TBC1D22A: variants seen among roughly 807,000 people sequenced by gnomAD.
TBC1D22A encodes putative GTPase activator.
In TBC1D22A, 38 loss-of-function variants were observed where a neutral mutation model predicts 60.2. That is an observed-to-expected ratio of 0.63 (90% CI 0.49 to 0.83). The LOEUF (loss-of-function observed/expected upper bound fraction) is 0.83. Ranked by LOEUF, TBC1D22A falls within the 40% of genes least tolerant of loss-of-function variation. The pLI is 0.00. For missense variants in TBC1D22A, 628 were observed against 701.0 expected (o/e 0.90, Z 1.18); for synonymous variants, 302 against 281.7 (o/e 1.07, Z -0.72).
intron 8 of TBC1D22A, among the ~76,000 whole-genome samples, chr22:46,942,347 A>C (rs902461710): frequency 6.6e-6 from 1 of 152,066 alleles, no homozygotes; most frequent in Non-Finnish European, 1.5e-5. Flanking sequence ...AGCTATCTTA[A>C]TGACTTCACA....
chr22:47,026,263 A>AT (rs1345308705), intron 10 of TBC1D22A, among the ~76,000 whole-genome samples: 1 of 152,224 alleles, frequency 6.6e-6, no homozygotes, highest in East Asian at 1.9e-4. Context: ...GTTTAAACCC[A>AT]TAGCTGACAT....
intron 1 of TBC1D22A, among the ~76,000 whole-genome samples, chr22:46,774,936 G>C (rs2083640288): frequency 6.6e-6 from 1 of 152,202 alleles, no homozygotes; most frequent in Admixed American, 6.5e-5. Context: ...TTCTGCACCT[G>C]GGCCTCTACT....
chr22:47,083,840 C>T (rs985831279), intron 11 of TBC1D22A, among the ~76,000 whole-genome samples: 1 of 152,176 alleles, frequency 6.6e-6, no homozygotes, highest in African/African-American at 2.4e-5. Context: ...TACTACTGCA[C>T]GCCCACCAGA....
chr22:46,998,807 A>G (rs1304308732), intron 10 of TBC1D22A, among the ~76,000 whole-genome samples: 2 of 152,254 alleles, frequency 1.3e-5, no homozygotes, highest in Non-Finnish European at 2.9e-5. Context: ...TTTCAGTGTT[A>G]CGTTTAGCTG....
chr22:46,878,836 T>G, intron 5 of TBC1D22A, 113 bp downstream of exon 5: 1 of 947,514 alleles, frequency 1.1e-6, no homozygotes, highest in African/African-American at 1.6e-5. Context: ...TTGGCTTTGT[T>G]GCAGTGATAA....
At chr22:47,097,490 T>A (rs557109713) in intron 11 of TBC1D22A, among the ~76,000 whole-genome samples, 1 of 152,172 alleles carries the variant, frequency 6.6e-6, no homozygotes, top group East Asian at 1.9e-4. Context: ...GGTGGGCACC[T>A]GTTATCCCAG....
intron 4 of TBC1D22A, among the ~76,000 whole-genome samples, chr22:46,823,994 C>G (rs954651093): frequency 2.6e-5 from 4 of 152,172 alleles, no homozygotes; most frequent in African/African-American, 7.2e-5. Context: ...TAAAGTGTCC[C>G]TGTAGCCGTG....
rs2068583642 is a variant in TBC1D22A, at chr22:47,173,832, A to G, written c.*206A>G. 6 of 803,510 alleles carry G rather than the reference A, an allele frequency of 7.5e-6. No homozygotes were observed. Among genetic ancestry groups the G allele is most frequent in the Non-Finnish European group, 5.5e-6 (3 of 545,314 alleles). The allele number at this position is 803,510 out of a possible 1,614,324, so 49.8% of individuals were successfully genotyped here. On this transcript the variant is annotated 3_prime_UTR_variant, in exon 13 of 13. Transcript: ENST00000337137. ...ACAGCCTTTGTTTTCTGAGATACCA[A>G]AGAGAGCCAGGGGAGGGCCCCGGGT...
intron 12 of TBC1D22A, among the ~76,000 whole-genome samples, chr22:47,145,075 C>T (rs2067240086): frequency 6.6e-6 from 1 of 152,232 alleles, no homozygotes; most frequent in African/African-American, 2.4e-5. Flanking sequence ...TTTTTCTGTG[C>T]ATCTCCCCTT....
At chr22:46,954,231 G>C (rs551935027) in intron 8 of TBC1D22A, among the ~76,000 whole-genome samples, 1 of 152,212 alleles carries the variant, frequency 6.6e-6, no homozygotes, top group Non-Finnish European at 1.5e-5. Flanking sequence ...TGCAGGCTGC[G>C]TGACTTTGAA....
At chr22:46,815,180 C>T (rs1293484644) in intron 4 of TBC1D22A, among the ~76,000 whole-genome samples, 1 of 152,164 alleles carries the variant, frequency 6.6e-6, no homozygotes, top group Non-Finnish European at 1.5e-5. Context: ...GAGACACACC[C>T]CTGAGACATA....
At chr22:47,024,283 G>T (rs1375704463) in intron 10 of TBC1D22A, among the ~76,000 whole-genome samples, 1 of 152,082 alleles carries the variant, frequency 6.6e-6, no homozygotes, top group African/African-American at 2.4e-5. Context: ...ATAAAAGAAG[G>T]CCAAAAAAAG....
chr22:47,156,511 T>C lies in TBC1D22A; in HGVS notation c.1426-16987T>C, dbSNP rs182500787. Among the ~76,000 whole-genome samples the C allele has an allele frequency of 1.8e-3, 279 of 152,128 alleles. 2 individuals are homozygous for C. The highest frequency in any genetic ancestry group is 2.4e-3 in the Non-Finnish European group (165 of 67,984). On this transcript the variant is annotated intron_variant, in intron 12 of 12. Coordinates refer to ENST00000337137, the MANE Select transcript of TBC1D22A (RefSeq NM_014346.5). ...GGTGGGTGTGGAGGACACCTCACAG[T>C]TGTTAGATCGATGCCTAGCTTGAGG...
At chr22:47,131,211 A>G (rs746778934) in intron 12 of TBC1D22A, among the ~76,000 whole-genome samples, 2 of 152,172 alleles carry the variant, frequency 1.3e-5, no homozygotes, top group Admixed American at 6.5e-5. Flanking sequence ...ACATTCCACC[A>G]TGAGATTGAG....
At chr22:46,770,587 C>T (rs963182656) in intron 1 of TBC1D22A, among the ~76,000 whole-genome samples, 11 of 152,172 alleles carry the variant, frequency 7.2e-5, no homozygotes, top group African/African-American at 2.7e-4. Context: ...CCTTGGTCAG[C>T]GGCCTTGGGG....
rs138996052 is a variant in TBC1D22A, at chr22:47,110,546, C to T, written c.1330-962C>T. On this transcript the variant is annotated intron_variant, in intron 11 of 12. Coordinates refer to ENST00000337137, the MANE Select transcript of TBC1D22A (RefSeq NM_014346.5). ...ATGTTTGCTCATTTGTCACCTTAGG[C>T]GATTGACCGTTGTACTGAAGTGGCA... Among the ~76,000 whole-genome samples the T allele has an allele frequency of 3.3e-4, 50 of 152,264 alleles. 1 individual carries two copies. The East Asian group carries it at 6.2e-3, about 19-fold the overall frequency.
intron 10 of TBC1D22A, among the ~76,000 whole-genome samples, chr22:46,998,888 C>T (rs1357898912): frequency 3.3e-5 from 5 of 152,246 alleles, no homozygotes; most frequent in Admixed American, 3.3e-4. Context: ...GCTCACCGCA[C>T]GCTCCACCGC....
At chr22:46,983,563 C>T (rs1299196443) in intron 9 of TBC1D22A, among the ~76,000 whole-genome samples, 2 of 152,016 alleles carry the variant, frequency 1.3e-5, no homozygotes, top group African/African-American at 2.4e-5. Flanking sequence ...TGGGTGTGCA[C>T]AGGTTGACCG....
chr22:46,786,197 G>T (rs2084152616), intron 1 of TBC1D22A, among the ~76,000 whole-genome samples: 1 of 152,150 alleles, frequency 6.6e-6, no homozygotes, highest in South Asian at 2.1e-4. Flanking sequence ...TTAATTCCTA[G>T]TTTGTTGATA....
Sources: gnomAD v4.1 joint callset for allele counts (sites outside exome capture counted in the v4.1 genomes callset) on GRCh38, gnomAD v4.1.1 for gene constraint, MANE v1.5 for transcripts, NCBI Gene and HGNC (gene_info 2026-07-23, HGNC 2026-07-21) for gene names.